ADGRB3: variants seen among roughly 807,000 people sequenced by gnomAD.
The protein encoded by ADGRB3 is adhesion G protein-coupled receptor B3.
ADGRB3 carries 37 observed loss-of-function variants against 193.4 expected under a neutral mutation model. That is an observed-to-expected ratio of 0.19 (90% confidence interval 0.15 to 0.25). The LOEUF is 0.25. Among genes scored for constraint, ADGRB3 ranks in the 10% least tolerant of loss-of-function variants. The probability of loss-of-function intolerance (pLI) is 1.00; values close to 1 mark genes in which losing one functional copy is unlikely to be tolerated. For synonymous variants in ADGRB3, 690 were observed against 644.2 expected, an observed-to-expected ratio of 1.07 and a Z score of -1.08; for missense variants, 1,637 against 1,852.9, an observed-to-expected ratio of 0.88 and a Z score of 2.14.
At chr6:68,784,550 T>G (rs1766922445) in intron 3 of ADGRB3, among the ~76,000 whole-genome samples, 1 of 152,184 alleles carries the variant, frequency 6.6e-6, no homozygotes, top group Non-Finnish European at 1.5e-5. Context: ...GTATATACTT[T>G]TTTTCACTAG....
intron 20 of ADGRB3, among the ~76,000 whole-genome samples, chr6:69,288,011 G>A (rs983252643): frequency 7.2e-5 from 11 of 151,966 alleles, no homozygotes; most frequent in African/African-American, 2.2e-4. Context: ...ACTAGAACAT[G>A]CAGTAGCAAT....
chr6:69,229,302 C>T (rs763976248), intron 17 of ADGRB3, among the ~76,000 whole-genome samples: 3 of 152,090 alleles, frequency 2.0e-5, no homozygotes, highest in Non-Finnish European at 4.4e-5. Context: ...TATACATCAT[C>T]ATTTGGGTAA....
Position 69,168,105 on chromosome 6 carries a change from A to G in ADGRB3, c.2481-65185A>G, listed in dbSNP as rs1489061974. On this transcript the variant is annotated intron_variant, in intron 17 of 31. Transcript: ENST00000370598. ...TAAGTTTTAGAAAAGAAATTTACAC[A>G]TTGTTCTTACCTAACTATGTAACCT... 3.3e-5 allele frequency among the ~76,000 whole-genome samples: 5 copies of G among 152,154 alleles called. No individual in the cohort carries two copies. In the South Asian group the frequency reaches 8.3e-4, roughly 25 times the overall value.
In ADGRB3 at chr6:69,244,664, G is replaced by A. The variant is rs1766455467; in HGVS notation, c.2814+5438G>A. 2.0e-5 allele frequency among the ~76,000 whole-genome samples: 3 copies of A among 151,992 alleles called. No individual in the cohort carries two copies. The South Asian group carries it at 6.2e-4, about 32-fold the overall frequency. ...TTTGGGAGATATCAGTCTCAGATGG[G>A]GATGGTTAAGAGAAGGTATTGTAAG... On this transcript the variant is annotated intron_variant, in intron 20 of 31. Coordinates refer to ENST00000370598, the MANE Select transcript of ADGRB3 (RefSeq NM_001704.3).
chr6:68,721,643 T>C (rs1251587480), intron 3 of ADGRB3, among the ~76,000 whole-genome samples: 3 of 146,714 alleles, frequency 2.0e-5, no homozygotes, highest in Non-Finnish European at 4.5e-5. Flanking sequence ...TATATATATA[T>C]ATATATATAT....
At chr6:68,981,091 G>A (rs542325484) in intron 10 of ADGRB3, among the ~76,000 whole-genome samples, 3 of 151,666 alleles carry the variant, frequency 2.0e-5, no homozygotes, top group South Asian at 2.1e-4. Flanking sequence ...TCAAGACATA[G>A]CATTTTACTG....
At chr6:69,272,699 A>G (rs1767207824) in intron 20 of ADGRB3, among the ~76,000 whole-genome samples, 1 of 152,178 alleles carries the variant, frequency 6.6e-6, no homozygotes, top group Non-Finnish European at 1.5e-5. Context: ...AGGGATAGAG[A>G]AACAAAGTAT....
chr6:69,039,986 C>A (rs925287241), intron 13 of ADGRB3, among the ~76,000 whole-genome samples: 1 of 151,890 alleles, frequency 6.6e-6, no homozygotes, highest in South Asian at 2.1e-4. Flanking sequence ...GTGATCCGCC[C>A]GCCTCGGCCT....
At chr6:68,891,925 A>G (rs949231292) in intron 3 of ADGRB3, among the ~76,000 whole-genome samples, 38 of 152,178 alleles carry the variant, frequency 2.5e-4, no homozygotes, top group Non-Finnish European at 1.5e-5. Context: ...CCAAGAAGAT[A>G]TGGGTGATCT....
chr6:69,202,570 C>T (rs1256724738), intron 17 of ADGRB3, among the ~76,000 whole-genome samples: 1 of 152,014 alleles, frequency 6.6e-6, no homozygotes, highest in Non-Finnish European at 1.5e-5. Context: ...CAGGTAGACT[C>T]GAATGTATTC....
chr6:69,057,040 G>C (rs1003241525), intron 15 of ADGRB3, among the ~76,000 whole-genome samples: 1 of 151,824 alleles, frequency 6.6e-6, no homozygotes, highest in Non-Finnish European at 1.5e-5. Context: ...ATGGACACAG[G>C]ATTTCCTTCC....
chr6:68,963,096 G>A (rs1384959149), intron 8 of ADGRB3, among the ~76,000 whole-genome samples: 1 of 152,110 alleles, frequency 6.6e-6, no homozygotes, highest in African/African-American at 2.4e-5. Flanking sequence ...GTCCATCATG[G>A]TATTTCTCTC....
intron 17 of ADGRB3, among the ~76,000 whole-genome samples, chr6:69,167,413 G>A (rs541736313): frequency 2.0e-5 from 3 of 152,092 alleles, no homozygotes; most frequent in East Asian, 3.9e-4. Flanking sequence ...GATATACATG[G>A]AAAAAAACTG....
At chr6:69,036,423 G>A (rs570160475) in intron 13 of ADGRB3, among the ~76,000 whole-genome samples, 1 of 152,118 alleles carries the variant, frequency 6.6e-6, no homozygotes, top group African/African-American at 2.4e-5. Context: ...CTCTAATTAA[G>A]CCCTTGTTAA....
intron 3 of ADGRB3, among the ~76,000 whole-genome samples, chr6:68,834,255 C>A (rs150603101): frequency 2.0e-5 from 3 of 151,984 alleles, no homozygotes; most frequent in Non-Finnish European, 4.4e-5. Context: ...CTGTGCTGCA[C>A]GTAATTCTTA....
intron 17 of ADGRB3, among the ~76,000 whole-genome samples, chr6:69,098,271 A>G (rs988811044): frequency 2.0e-5 from 3 of 152,186 alleles, no homozygotes; most frequent in African/African-American, 4.8e-5. Context: ...GACATAAATC[A>G]CCTACTTCAA....
At chr6:69,110,050 C>A (rs1044924936) in intron 17 of ADGRB3, among the ~76,000 whole-genome samples, 7 of 150,646 alleles carry the variant, frequency 4.6e-5, no homozygotes, top group African/African-American at 1.5e-4. Flanking sequence ...CGGGTTCAAG[C>A]GATTCTCCTG....
intron 20 of ADGRB3, among the ~76,000 whole-genome samples, chr6:69,268,913 T>C (rs1390654319): frequency 1.3e-5 from 2 of 152,114 alleles, no homozygotes; most frequent in Non-Finnish European, 2.9e-5. Context: ...TCAAGGAGGT[T>C]CTTTTTGGTT....
At chr6:68,779,431 G>T (rs1766813458) in intron 3 of ADGRB3, among the ~76,000 whole-genome samples, 1 of 151,944 alleles carries the variant, frequency 6.6e-6, no homozygotes, top group Non-Finnish European at 1.5e-5. Context: ...GCAACATGGG[G>T]TCACTGAAGA....
Sources: gnomAD v4.1 joint callset for allele counts (sites outside exome capture counted in the v4.1 genomes callset) on GRCh38, gnomAD v4.1.1 for gene constraint, MANE v1.5 for transcripts, NCBI Gene and HGNC (gene_info 2026-07-23, HGNC 2026-07-21) for gene names.